The following STK10 variants were observed in gnomAD, a reference collection of about 807,000 sequenced individuals.
The protein encoded by STK10 is serine/threonine-protein kinase 10.
STK10 carries 78 observed loss-of-function variants against 113.8 expected under a neutral mutation model. The ratio of observed to expected loss-of-function variants is 0.69; its 90% confidence interval spans 0.57 to 0.83. STK10 has a LOEUF of 0.83. Ranked by LOEUF, STK10 falls within the 40% of genes least tolerant of loss-of-function variation. The pLI, the probability that STK10 is intolerant of heterozygous loss-of-function variation, is 0.00. For synonymous variants in STK10, 465 were observed against 494.7 expected (o/e 0.94, Z 0.80); for missense variants, 1,109 against 1,280.1 (o/e 0.87, Z 2.04).
chr5:172,172,683 A>G (rs553949271), intron 1 of STK10, among the ~76,000 whole-genome samples: 1 of 152,380 alleles, frequency 6.6e-6, no homozygotes, highest in African/African-American at 2.4e-5. Flanking sequence ...TCCCCAGGTC[A>G]GAAGCCTCTG....
chr5:172,164,211 T>TAA lies in STK10; in HGVS notation c.157-7425_157-7424dup, dbSNP rs57573746. Among the ~76,000 whole-genome samples the TAA allele has an allele frequency of 2.4e-3, 202 of 84,598 alleles. 2 individuals carry two copies. Among genetic ancestry groups the TAA allele is most frequent in the East Asian group, 9.3e-3 (27 of 2,896 alleles). The allele number at this position is 84,598 out of a possible 152,430, so 55.5% of individuals were successfully genotyped here. On this transcript the variant is annotated intron_variant, in intron 1 of 18. Coordinates refer to ENST00000176763, the MANE Select transcript of STK10 (RefSeq NM_005990.4). ...CGGGCAACAAGAGCGAAACTCCATC[T>TAA]AAAAAAAAAAAAAAAAAAAAAAAAA...
chr5:172,107,760 C>G lies in STK10; in HGVS notation c.593+20G>C. The G allele has an allele frequency of 6.2e-7, 1 of 1,613,124 alleles. No individual in the cohort carries two copies. ...TTTTTACATCCAGTCCATTCCATTT[C>G]CAGAAGCTACACGACTCACCAGTAA... On this transcript the variant is annotated intron_variant, in intron 5 of 18. Coordinates refer to ENST00000176763, the MANE Select transcript of STK10 (RefSeq NM_005990.4).
At chr5:172,062,218 T>C (rs1767953152) in intron 13 of STK10, among the ~76,000 whole-genome samples, 1 of 152,106 alleles carries the variant, frequency 6.6e-6, no homozygotes. Context: ...CCTCAAGTGA[T>C]CCACCCGCCT....
chr5:172,048,458 C>T (rs548747182), intron 18 of STK10, among the ~76,000 whole-genome samples: 2 of 151,070 alleles, frequency 1.3e-5, no homozygotes, highest in East Asian at 1.9e-4. Context: ...CACACATCCT[C>T]TCTCTATCTT....
chr5:172,145,332 C>T (rs1770062217), intron 2 of STK10, among the ~76,000 whole-genome samples: 1 of 151,904 alleles, frequency 6.6e-6, no homozygotes, highest in African/African-American at 2.4e-5. Flanking sequence ...TAAGAAGGGA[C>T]AGGGAAAAGC....
intron 15 of STK10, chr5:172,056,966 A>AGAAAGAAAGAAG (rs1767799175): frequency 1.1e-5 from 1 of 88,532 alleles, no homozygotes; most frequent in African/African-American, 5.1e-5. Flanking sequence ...AAAGAAAGAA[A>AGAAAGAAAGAAG]GAAAGAAAGA....
Position 172,168,551 on chromosome 5 carries a change from G to A in STK10, c.157-11763C>T, listed in dbSNP as rs143333322. Among the ~76,000 whole-genome samples the A allele has an allele frequency of 1.8e-3, 279 of 152,258 alleles. 1 individual carries two copies. Among genetic ancestry groups the A allele is most frequent in the Middle Eastern group, 0.014 (4 of 294 alleles). ...GGCCTTGGGAGGCCCAGGTCCTTGC[G>A]GGCTCAGGATGAAAAAGGCCTGTCA... On this transcript the variant is annotated intron_variant, in intron 1 of 18. Coordinates refer to ENST00000176763, the MANE Select transcript of STK10 (RefSeq NM_005990.4).
intron 15 of STK10, chr5:172,057,004 G>GAGAGAGAGAGAGAGAGAAA (rs1554115578): frequency 4.1e-5 from 3 of 73,394 alleles, no homozygotes; most frequent in African/African-American, 1.5e-4. Context: ...AGAGAAAGAA[G>GAGAGAGAGAGAGAGAGAAA]GAAAGAAAGA....
intron 1 of STK10, among the ~76,000 whole-genome samples, chr5:172,175,129 C>A (rs1306216163): frequency 6.6e-6 from 1 of 152,172 alleles, no homozygotes; most frequent in African/African-American, 2.4e-5. Context: ...GATCCTCCTG[C>A]CTCAGCCTCC....
chr5:172,106,401 C>CAAAAAAAAAAAAAA (rs368671444), intron 6 of STK10, among the ~76,000 whole-genome samples: 16 of 53,428 alleles, frequency 3.0e-4, no homozygotes, highest in Admixed American at 5.5e-4. Flanking sequence ...GACCCTATCT[C>CAAAAAAAAAAAAAA]AAAAAAAAAA....
At chr5:172,169,716 C>T (rs541623185) in intron 1 of STK10, among the ~76,000 whole-genome samples, 1 of 152,212 alleles carries the variant, frequency 6.6e-6, no homozygotes, top group East Asian at 1.9e-4. Context: ...GAACATCAGC[C>T]TCTCTCCTTC....
intron 7 of STK10, among the ~76,000 whole-genome samples, chr5:172,102,518 C>T (rs1769012151): frequency 6.6e-6 from 1 of 151,994 alleles, no homozygotes; most frequent in African/African-American, 2.4e-5. Flanking sequence ...GGAGGGAGGG[C>T]CCTGTGCACT....
At chr5:172,170,119 ATCCT>A (rs1242560915) in intron 1 of STK10, among the ~76,000 whole-genome samples, 3 of 139,856 alleles carry the variant, frequency 2.1e-5, no homozygotes, top group African/African-American at 8.2e-5. Context: ...CTCAGTATGT[ATCCT>A]TTTTTTTTTT....
At chr5:172,158,583 T>C (rs1268970101) in intron 1 of STK10, among the ~76,000 whole-genome samples, 1 of 152,000 alleles carries the variant, frequency 6.6e-6, no homozygotes, top group Non-Finnish European at 1.5e-5. Flanking sequence ...GCCAAGATCA[T>C]GCGACTGCAC....
chr5:172,092,895 G>C (rs928066676), intron 9 of STK10: 3 of 152,780 alleles, frequency 2.0e-5, no homozygotes, highest in Admixed American at 6.5e-5. Context: ...TCACTTCTCT[G>C]AGCCTCCATC....
chr5:172,050,351 T>A (rs749884567), intron 18 of STK10, among the ~76,000 whole-genome samples: 48 of 152,168 alleles, frequency 3.2e-4, no homozygotes, highest in Non-Finnish European at 5.6e-4. Flanking sequence ...CATCTTGAGT[T>A]GTGGGCTGAA....
intron 10 of STK10, among the ~76,000 whole-genome samples, chr5:172,083,735 C>T (rs1274338952): frequency 6.6e-6 from 1 of 151,754 alleles, no homozygotes; most frequent in Non-Finnish European, 1.5e-5. Context: ...TGGCAAAACC[C>T]CATCTCTACT....
intron 3 of STK10, among the ~76,000 whole-genome samples, chr5:172,123,886 G>A (rs73327440): frequency 0.012 from 1,819 of 152,168 alleles, 41 homozygotes; most frequent in African/African-American, 0.041. Flanking sequence ...GGACAGTGGG[G>A]CCAAGAGTTG....
At chr5:172,110,827 C>T (rs535586037) in intron 4 of STK10, among the ~76,000 whole-genome samples, 5 of 152,278 alleles carry the variant, frequency 3.3e-5, no homozygotes, top group South Asian at 2.1e-4. Flanking sequence ...AAGGTCCACT[C>T]GTGGCAAAAG....
Sources: gnomAD v4.1 joint callset for allele counts (sites outside exome capture counted in the v4.1 genomes callset) on GRCh38, gnomAD v4.1.1 for gene constraint, MANE v1.5 for transcripts, NCBI Gene and HGNC (gene_info 2026-07-23, HGNC 2026-07-21) for gene names.